LRRK1: variants seen among roughly 807,000 people sequenced by gnomAD.
LRRK1 encodes the protein leucine-rich repeat serine/threonine-protein kinase 1.
In LRRK1, 113 loss-of-function variants were observed where a neutral mutation model predicts 209.1. That is an observed-to-expected ratio of 0.54 (90% CI 0.46 to 0.63). The LOEUF (loss-of-function observed/expected upper bound fraction) is 0.63, where lower values mean the gene tolerates loss of function less well. Among genes scored for constraint, LRRK1 ranks in the 30% least tolerant of loss-of-function variants. The pLI, the probability that LRRK1 is intolerant of heterozygous loss-of-function variation, is 0.00. For missense variants in LRRK1, 2,284 were observed against 2,632.2 expected, an observed-to-expected ratio of 0.87 and a Z score of 2.89; for synonymous variants, 1,144 against 1,099.7, an observed-to-expected ratio of 1.04 and a Z score of -0.80.
intron 32 of LRRK1, 121 bp from the exon 33 acceptor site, chr15:101,066,519 T>A: frequency 1.1e-6 from 1 of 912,806 alleles, no homozygotes; most frequent in East Asian, 2.4e-5. Flanking sequence ...CATAACTTAA[T>A]CCCTTAGCAG....
rs901683420 is a variant in LRRK1 at position 100,989,176 on chromosome 15, A to G, written c.614-74A>G. On this transcript the variant is annotated intron_variant, in intron 5 of 33. Coordinates refer to ENST00000388948, the MANE Select transcript of LRRK1 (RefSeq NM_024652.6). ...TACCTTTTCAGTTTCCATTCCACAT[A>G]TCAGAGTCTGCCCTTCCAACGACTG... The G allele has an allele frequency of 2.3e-6, 3 of 1,285,998 alleles. No individual in the cohort carries two copies. In the African/African-American group the frequency reaches 4.4e-5, roughly 19 times the overall value. The allele number at this position is 1,285,998 out of a possible 1,614,324, so 79.7% of individuals were successfully genotyped here.
At chr15:101,014,587 A>T (rs1222629822) in intron 11 of LRRK1, among the ~76,000 whole-genome samples, 159 bp downstream of exon 11, 2 of 152,176 alleles carry the variant, frequency 1.3e-5, no homozygotes, top group African/African-American at 4.8e-5. Context: ...CTGGGGGCTG[A>T]AGTCCGAGGT....
intron 2 of LRRK1, among the ~76,000 whole-genome samples, chr15:100,931,426 A>G (rs1437931345): frequency 6.6e-6 from 1 of 152,228 alleles, no homozygotes; most frequent in African/African-American, 2.4e-5. Flanking sequence ...GAACATCTTA[A>G]TCGATTATTT....
At chr15:100,930,129 G>T (rs1299322931) in intron 2 of LRRK1, among the ~76,000 whole-genome samples, 1 of 152,200 alleles carries the variant, frequency 6.6e-6, no homozygotes, top group Non-Finnish European at 1.5e-5. Context: ...GGGCAGCTCT[G>T]GTAGGAAGTG....
Position 101,055,040 on chromosome 15 carries a change from C to T in LRRK1, c.4149C>T (p.Ile1383=), listed in dbSNP as rs1484651411. 1.2e-6 allele frequency: 2 copies of T among 1,614,074 alleles called. No homozygotes were observed. Among genetic ancestry groups the T allele is most frequent in the African/African-American group, 2.7e-5 (2 of 74,942 alleles). Residue 1383 remains isoleucine, a synonymous_variant, in exon 27 of 34, where the codon ATC becomes ATT. Coordinates refer to ENST00000388948, the MANE Select transcript of LRRK1 (RefSeq NM_024652.6). The part of the protein sequence containing the change: ...GLAYLHKKNI[I]FCDLKSDNIL... ...CCTACCTGCACAAGAAAAACATCAT[C>T]TTCTGTGACCTGAAGTCGGACAACA...
At chr15:101,031,351 A>C (rs1422294936) in intron 20 of LRRK1, among the ~76,000 whole-genome samples, 1 of 152,176 alleles carries the variant, frequency 6.6e-6, no homozygotes. Context: ...TCTCAACCGC[A>C]CAGAGTCACG....
At chr15:100,972,365 TG>T in intron 2 of LRRK1, among the ~76,000 whole-genome samples, 1 of 75,838 alleles carries the variant, frequency 1.3e-5, no homozygotes, top group African/African-American at 6.9e-5. Flanking sequence ...AGAGAGAGAG[TG>T]TGTGTGTGTG....
At chr15:100,999,742 T>C (rs961221134) in intron 6 of LRRK1, among the ~76,000 whole-genome samples, 6 of 152,270 alleles carry the variant, frequency 3.9e-5, no homozygotes, top group Non-Finnish European at 8.8e-5. Flanking sequence ...ATACAATGTT[T>C]GTTTTTTCTC....
chr15:100,951,819 G>T (rs112890195), intron 2 of LRRK1, among the ~76,000 whole-genome samples: 2,212 of 152,034 alleles, frequency 0.015, 54 homozygotes, highest in African/African-American at 0.049. Flanking sequence ...AGGCATGGTG[G>T]CATGCGTCTG....
intron 12 of LRRK1, among the ~76,000 whole-genome samples, chr15:101,016,211 G>A (rs1008872405): frequency 4.6e-5 from 7 of 151,960 alleles, no homozygotes; most frequent in South Asian, 2.1e-4. Context: ...CTATAAGAAC[G>A]TTAATCTCAT....
At chr15:101,021,598 A>G (rs2033789334) in intron 13 of LRRK1, 2 of 535,296 alleles carry the variant, frequency 3.7e-6, no homozygotes, top group Non-Finnish European at 6.6e-6. Context: ...AGTAGCAGAG[A>G]CAGGAAAGTT....
At chr15:101,033,961 A>G (rs1312660503) in intron 20 of LRRK1, among the ~76,000 whole-genome samples, 1 of 149,562 alleles carries the variant, frequency 6.7e-6, no homozygotes. Context: ...GTAGCTGTTC[A>G]ACTGGGGTTA....
intron 30 of LRRK1, among the ~76,000 whole-genome samples, chr15:101,062,119 G>A (rs530302579): frequency 6.6e-6 from 1 of 152,292 alleles, no homozygotes; most frequent in East Asian, 1.9e-4. Flanking sequence ...CGAGAGCAAG[G>A]GCTCTGCCTA....
chr15:100,969,711 T>C (rs2030731798), intron 2 of LRRK1, among the ~76,000 whole-genome samples: 3 of 152,150 alleles, frequency 2.0e-5, no homozygotes, highest in Admixed American at 2.0e-4. Flanking sequence ...GTATTCTCAT[T>C]GGTCAGCTCC....
chr15:100,940,237 A>G (rs2042375744), intron 2 of LRRK1, among the ~76,000 whole-genome samples: 1 of 152,022 alleles, frequency 6.6e-6, no homozygotes, highest in Non-Finnish European at 1.5e-5. Context: ...GTTGTTGATC[A>G]GTCTTTCCAT....
chr15:101,030,121 C>CTCCTCCTTT (rs1171072362), intron 20 of LRRK1, among the ~76,000 whole-genome samples: 23 of 152,148 alleles, frequency 1.5e-4, no homozygotes, highest in African/African-American at 5.1e-4. Context: ...AAATGAGCCT[C>CTCCTCCTTT]TCCTCCTTTT....
At chr15:100,950,995 T>C (rs538042397) in intron 2 of LRRK1, among the ~76,000 whole-genome samples, 251 of 152,136 alleles carry the variant, frequency 1.6e-3, no homozygotes, top group African/African-American at 3.6e-3. Flanking sequence ...CCCAGCTATT[T>C]GGGAGGCTGA....
chr15:100,998,377 C>G (rs1487511654), intron 6 of LRRK1, among the ~76,000 whole-genome samples: 1 of 152,184 alleles, frequency 6.6e-6, no homozygotes, highest in African/African-American at 2.4e-5. Context: ...TCAGGAAAGC[C>G]TTCCTTAACC....
intron 30 of LRRK1, 99 bp downstream of exon 30, chr15:101,061,387 C>T (rs1395463406): frequency 1.3e-6 from 1 of 778,478 alleles, no homozygotes; most frequent in East Asian, 2.6e-5. Context: ...GACGCCAGGT[C>T]AAGTGAACTT....
Sources: allele counts gnomAD v4.1 joint callset (sites outside exome capture counted in the v4.1 genomes callset), GRCh38; gene constraint gnomAD v4.1.1; transcripts MANE v1.5; gene names NCBI Gene and HGNC (gene_info 2026-07-23, HGNC 2026-07-21).